The following XRN1 variants were observed in gnomAD, a reference collection of about 807,000 sequenced individuals.
XRN1 encodes the protein 5'-3' exoribonuclease 1.
In XRN1, 67 loss-of-function variants were observed where a neutral mutation model predicts 222.3. The observed-to-expected ratio is 0.30, with a 90% CI of 0.25 to 0.37. The LOEUF is 0.37. Ranked by LOEUF, XRN1 falls within the 10% of genes least tolerant of loss-of-function variation. The pLI is 1.00. For synonymous variants in XRN1, 643 were observed against 652.4 expected (o/e 0.99, Z 0.22); for missense variants, 1,707 against 2,000.2 (o/e 0.85, Z 2.80).
chr3:142,408,434 A>T (rs1397004441), intron 15 of XRN1, among the ~76,000 whole-genome samples: 1 of 152,232 alleles, frequency 6.6e-6, no homozygotes, highest in Non-Finnish European at 1.5e-5. Flanking sequence ...CTTGCGATGC[A>T]AATAAGCTGT....
chr3:142,425,604 A>G, intron 3 of XRN1, 66 bp from the exon 4 acceptor site: 1 of 1,326,000 alleles, frequency 7.5e-7, no homozygotes, highest in Non-Finnish European at 1.1e-6. Context: ...CTCAGTGACA[A>G]CACATAACTG....
intron 1 of XRN1, among the ~76,000 whole-genome samples, chr3:142,446,049 T>C (rs1242127805): frequency 6.6e-6 from 1 of 152,256 alleles, no homozygotes; most frequent in African/African-American, 2.4e-5. Flanking sequence ...GTTTTGAGTT[T>C]CATGGGGATA....
rs557994143 is a variant in XRN1 at position 142,404,238 on chromosome 3, A to G, written c.1884-249T>C. Among the ~76,000 whole-genome samples, 87 of 152,248 alleles carry G rather than the reference A, an allele frequency of 5.7e-4. 1 individual carries two copies. Among genetic ancestry groups the G allele is most frequent in the African/African-American group, 2.0e-3 (83 of 41,556 alleles). ...TAATCTAAAACAAAACTATATATAT[A>G]AATTTTAAGATAAAATATGACACAT... On this transcript the variant is annotated intron_variant, in intron 16 of 40. Transcript: ENST00000392981.
intron 23 of XRN1, among the ~76,000 whole-genome samples, chr3:142,377,360 T>G (rs1013015564): frequency 1.3e-5 from 2 of 152,096 alleles, no homozygotes; most frequent in Non-Finnish European, 2.9e-5. Context: ...AAGAACATAA[T>G]CAGATTTAGC....
chr3:142,357,147 G>A, intron 30 of XRN1, 28 bp from the exon 31 acceptor site: 1 of 1,570,368 alleles, frequency 6.4e-7, no homozygotes, highest in Non-Finnish European at 8.7e-7. Flanking sequence ...ATCAGGGTTG[G>A]AAGGAAAACA....
At chr3:142,438,915 C>T (rs529195693) in intron 1 of XRN1, among the ~76,000 whole-genome samples, 4 of 151,896 alleles carry the variant, frequency 2.6e-5, no homozygotes, top group Non-Finnish European at 2.9e-5. Flanking sequence ...AGTGTCCCCC[C>T]GACTCCTTCC....
chr3:142,399,653 G>A (rs2108012946), intron 19 of XRN1, among the ~76,000 whole-genome samples: 1 of 151,830 alleles, frequency 6.6e-6, no homozygotes, highest in Non-Finnish European at 1.5e-5. Flanking sequence ...ATATACAAAA[G>A]CAGATGCCAA....
At chr3:142,363,477 G>A (rs568796956) in intron 29 of XRN1, among the ~76,000 whole-genome samples, 9 of 152,034 alleles carry the variant, frequency 5.9e-5, no homozygotes, top group Admixed American at 1.3e-4. Flanking sequence ...GGTCTATTTC[G>A]GGACTCTAAT....
In XRN1 at chr3:142,307,566, T is replaced by A. The variant is rs1310267515; in HGVS notation, c.*3945A>T. ...GACTACTAAAACTATTTTATACATG[T>A]TTTTCTTCTTTAAGAAAAGGATCTA... On this transcript the variant is annotated 3_prime_UTR_variant, in exon 41 of 41. Transcript: ENST00000392981. 2 of 152,176 alleles carry A rather than the reference T, an allele frequency of 1.3e-5. No homozygotes were observed. The highest frequency in any genetic ancestry group is 2.4e-5 in the African/African-American group (1 of 41,444). 9.4% of individuals were successfully genotyped at this position (152,176 alleles called of 1,614,324 possible). A position where few individuals can be genotyped will look rare whatever the true frequency, so the allele number is the denominator to read the frequency against.
At chr3:142,391,902 T>C (rs1210698370) in intron 20 of XRN1, among the ~76,000 whole-genome samples, 1 of 151,978 alleles carries the variant, frequency 6.6e-6, no homozygotes, top group African/African-American at 2.4e-5. Flanking sequence ...TTTTTGCATA[T>C]TTGTTTTTTG....
At chr3:142,313,189 A>T (rs2065123119) in intron 39 of XRN1, 1 of 1,612,148 alleles carries the variant, frequency 6.2e-7, no homozygotes, top group African/African-American at 1.3e-5. Flanking sequence ...AAAAAAACCA[A>T]AAAACCTCAA....
intron 36 of XRN1, among the ~76,000 whole-genome samples, chr3:142,330,144 C>G (rs946659947): frequency 6.6e-5 from 10 of 152,146 alleles, no homozygotes; most frequent in African/African-American, 2.4e-4. Context: ...TTTGAACAAA[C>G]AAATGGCTTT....
At chr3:142,423,197 T>A (rs567092451) in intron 6 of XRN1, among the ~76,000 whole-genome samples, 1 of 152,134 alleles carries the variant, frequency 6.6e-6, no homozygotes, top group African/African-American at 2.4e-5. Context: ...ATAGTAGAAG[T>A]AAGAAACTAC....
chr3:142,370,644 A>G (rs934390358), intron 26 of XRN1, 24 bp from the exon 27 acceptor site: 2 of 1,549,198 alleles, frequency 1.3e-6, no homozygotes, highest in Middle Eastern at 1.7e-4. Context: ...AATAATTTTT[A>G]AAATTTGATT....
chr3:142,417,331 T>G, intron 12 of XRN1, 102 bp from the exon 13 acceptor site: 1 of 899,390 alleles, frequency 1.1e-6, no homozygotes, highest in Non-Finnish European at 1.7e-6. Flanking sequence ...AGATGATTTA[T>G]TTAATCAATG....
At chr3:142,332,009 T>G (rs1190066789) in intron 36 of XRN1, among the ~76,000 whole-genome samples, 1 of 152,144 alleles carries the variant, frequency 6.6e-6, no homozygotes, top group Admixed American at 6.6e-5. Flanking sequence ...CTCCTGAGCT[T>G]AAGAGATCCG....
intron 14 of XRN1, 152 bp from the exon 15 acceptor site, chr3:142,412,815 T>C (rs1234299689): frequency 3.8e-6 from 2 of 526,118 alleles, no homozygotes; most frequent in Admixed American, 3.7e-5. Flanking sequence ...ACAATATACT[T>C]GCTATATTTT....
At chr3:142,373,164 G>C (rs1201348449) in intron 25 of XRN1, among the ~76,000 whole-genome samples, 1 of 151,980 alleles carries the variant, frequency 6.6e-6, no homozygotes, top group Non-Finnish European at 1.5e-5. Flanking sequence ...AATAAATGAA[G>C]ATATTCCATT....
intron 1 of XRN1, among the ~76,000 whole-genome samples, chr3:142,442,794 C>T (rs148404626): frequency 0.018 from 2,673 of 152,230 alleles, 80 homozygotes; most frequent in African/African-American, 0.061. Context: ...AGTGCAGTGG[C>T]GCGATCTCAC....
Sources: gnomAD v4.1 joint callset for allele counts (sites outside exome capture counted in the v4.1 genomes callset) on GRCh38, gnomAD v4.1.1 for gene constraint, MANE v1.5 for transcripts, NCBI Gene and HGNC (gene_info 2026-07-23, HGNC 2026-07-21) for gene names.